CAPS2: variants seen among roughly 807,000 people sequenced by gnomAD.
The protein encoded by CAPS2 is calcyphosin-2.
CAPS2 carries 98 observed loss-of-function variants against 86.5 expected under a neutral mutation model. That is an observed-to-expected ratio of 1.13 (90% confidence interval 0.96 to 1.34). The LOEUF (loss-of-function observed/expected upper bound fraction) is 1.34. CAPS2 is among the 40% of genes most tolerant of loss of function. CAPS2 has a pLI of 0.00. For missense variants in CAPS2, 729 were observed against 686.8 expected, an observed-to-expected ratio of 1.06 and a Z score of -0.69; for synonymous variants, 210 against 225.1, an observed-to-expected ratio of 0.93 and a Z score of 0.60.
At position 75,321,531 on chromosome 12, in the gene CAPS2, A is replaced by G. The variant is rs1037921848; in HGVS notation, c.337T>C (p.Cys113Arg). 2.3e-5 allele frequency: 36 copies of G among 1,549,260 alleles called. No homozygotes were observed. Among genetic ancestry groups the G allele is most frequent in the Admixed American group, 5.9e-5 (3 of 50,944 alleles). The stretch of plus-strand genomic sequence containing the variant: ...TTACATTGCTGATATTTTAGTTTAC[A>G]TTTGTCTGTTGGTGCTGGCAAATTT... Residue 113 changes from cysteine (C) to arginine (R), a missense_variant, in exon 5 of 17, where the codon TGT becomes CGT. Cys to Arg is a radical substitution (Grantham distance 180, BLOSUM62 -3). Coordinates refer to ENST00000393284, the Ensembl canonical transcript of CAPS2.
chr12:75,340,745 GA>G (rs1269872563), intron 1 of CAPS2, among the ~76,000 whole-genome samples: 2 of 145,632 alleles, frequency 1.4e-5, no homozygotes, highest in African/African-American at 5.0e-5. Flanking sequence ...AAAAAAAAAA[GA>G]AAAAAATTCA....
At chr12:75,280,482 C>G (rs575728954) in intron 16 of CAPS2, among the ~76,000 whole-genome samples, 7 of 151,498 alleles carry the variant, frequency 4.6e-5, no homozygotes, top group Admixed American at 6.6e-5. Flanking sequence ...AAAATAAAAC[C>G]CTCATCAAAA....
upstream of CAPS2, among the ~76,000 whole-genome samples, chr12:75,328,408 A>C (rs1016845018): frequency 1.3e-5 from 2 of 152,212 alleles, no homozygotes; most frequent in African/African-American, 4.8e-5. Context: ...GGCAACATGT[A>C]AATCCTCAAA....
intron 14 of CAPS2, among the ~76,000 whole-genome samples, chr12:75,287,085 C>A (rs1285707726): frequency 2.0e-5 from 3 of 150,732 alleles, no homozygotes; most frequent in Admixed American, 6.6e-5. Flanking sequence ...CACACAAACA[C>A]ACACATATAT....
intron 1 of CAPS2, among the ~76,000 whole-genome samples, chr12:75,341,656 C>T (rs2042121052): frequency 6.6e-6 from 1 of 151,800 alleles, no homozygotes; most frequent in African/African-American, 2.4e-5. Flanking sequence ...CCGTGTTAGC[C>T]AGGACGGTCA....
chr12:75,335,819 GT>G (rs1345567373), intron 1 of CAPS2, among the ~76,000 whole-genome samples: 2 of 151,932 alleles, frequency 1.3e-5, no homozygotes, highest in African/African-American at 2.4e-5. Flanking sequence ...GCTTGGGGTT[GT>G]CCAAGGCATA....
intron 1 of CAPS2, chr12:75,369,565 A>C (rs2044220933): frequency 2.0e-6 from 2 of 983,974 alleles, no homozygotes; most frequent in South Asian, 4.7e-5. Flanking sequence ...AAATATTTGG[A>C]GTAAGGACCA....
chr12:75,362,835 C>T lies in CAPS2; in HGVS notation c.-395+28003G>A, dbSNP rs559787877. Among the ~76,000 whole-genome samples, 3 of 152,244 alleles carry T rather than the reference C, an allele frequency of 2.0e-5. 1 individual carries two copies. In the South Asian group the frequency reaches 6.2e-4, roughly 32 times the overall value. Reference sequence around the variant, plus strand: ...ACTATCTATGACAAAAACTTTGCAACTATCACATGCATAATTACACTGGGT... The same window carrying T: ...ACTATCTATGACAAAAACTTTGCAATTATCACATGCATAATTACACTGGGT... On this transcript the variant is annotated intron_variant, in intron 1 of 5. Coordinates refer to the CAPS2 transcript ENST00000551829.
chr12:75,322,514 A>G (rs2040399150), intron 4 of CAPS2, among the ~76,000 whole-genome samples: 1 of 152,206 alleles, frequency 6.6e-6, no homozygotes, highest in South Asian at 2.1e-4. Flanking sequence ...AAAGACTAAC[A>G]AAAACAGAAA....
At chr12:75,303,886 T>G (rs1413562825) in intron 8 of CAPS2, among the ~76,000 whole-genome samples, 2 of 152,110 alleles carry the variant, frequency 1.3e-5, no homozygotes, top group Non-Finnish European at 2.9e-5. Flanking sequence ...TAAGACCAGC[T>G]ATTGAAGACT....
chr12:75,298,826 C>T (rs1015171171), intron 10 of CAPS2, 45 bp downstream of exon 10: 4 of 1,593,048 alleles, frequency 2.5e-6, no homozygotes, highest in African/African-American at 1.3e-5. Flanking sequence ...TAGCTTCTCT[C>T]GGAAGTGAAC....
chr12:75,329,979 T>A, upstream of CAPS2: 1 of 900,584 alleles, frequency 1.1e-6, no homozygotes, highest in Non-Finnish European at 1.7e-6. Context: ...GGAAAAGGTA[T>A]AAACTAGCGC....
chr12:75,291,684 A>C, intron 13 of CAPS2, 60 bp downstream of exon 13: 1 of 754,730 alleles, frequency 1.3e-6, no homozygotes, highest in Admixed American at 2.5e-5. Context: ...ATGCTGTTTT[A>C]CTGATTATAA....
chr12:75,371,635 G>A (rs748511398), intron 1 of CAPS2, among the ~76,000 whole-genome samples: 37 of 152,038 alleles, frequency 2.4e-4, no homozygotes, highest in Admixed American at 8.5e-4. Flanking sequence ...TTGTACAACC[G>A]GAAGTGCTCT....
chr12:75,356,729 C>T (rs1355388539), intron 1 of CAPS2, among the ~76,000 whole-genome samples: 1 of 152,012 alleles, frequency 6.6e-6, no homozygotes, highest in Non-Finnish European at 1.5e-5. Context: ...GGTATAAATG[C>T]CCCAAACTAA....
rs745400747 is a variant in CAPS2, at chr12:75,343,855, G to A, written c.-394-20633C>T. ...AATAAAGTCATTCACACCAAGACAT[G>A]CCATTACGGCTTGGTATAATGAAAC... On this transcript the variant is annotated intron_variant, in intron 1 of 5. Coordinates refer to the CAPS2 transcript ENST00000551829. 4.9e-5 allele frequency: 79 copies of A among 1,611,530 alleles called. No homozygotes were observed. Among genetic ancestry groups the A allele is most frequent in the Non-Finnish European group, 6.6e-5 (78 of 1,177,958 alleles).
chr12:75,305,085 G>A, intron 7 of CAPS2: 2 of 377,042 alleles, frequency 5.3e-6, no homozygotes, highest in Non-Finnish European at 4.5e-6. Context: ...TATCCAAAAC[G>A]GAACTGAAAT....
upstream of CAPS2, chr12:75,330,101 A>G (rs2041165661): frequency 2.6e-6 from 1 of 384,188 alleles, no homozygotes; most frequent in East Asian, 3.8e-5. Context: ...GCTTCTGATT[A>G]CACTCTGACC....
chr12:75,280,763 T>C (rs2033808585), intron 16 of CAPS2, among the ~76,000 whole-genome samples: 1 of 151,862 alleles, frequency 6.6e-6, no homozygotes, highest in Non-Finnish European at 1.5e-5. Flanking sequence ...AATAGATAAT[T>C]AGAAATTTGG....
Sources: allele counts gnomAD v4.1 joint callset (sites outside exome capture counted in the v4.1 genomes callset), GRCh38; gene constraint gnomAD v4.1.1; transcripts MANE v1.5; gene names NCBI Gene and HGNC (gene_info 2026-07-23, HGNC 2026-07-21).